Variants in SLC25A48 observed in about 807,000 individuals in gnomAD.
SLC25A48 encodes the protein CTC-321K16.1.
In SLC25A48, 29 loss-of-function variants were observed where a neutral mutation model predicts 32.2. That is an observed-to-expected ratio of 0.90 (90% CI 0.67 to 1.23). The LOEUF is 1.23. Among genes scored for constraint, SLC25A48 ranks in the 50% most tolerant of loss-of-function variants. The pLI is 0.00. For synonymous variants in SLC25A48, 164 were observed against 172.3 expected, an observed-to-expected ratio of 0.95 and a Z score of 0.38; for missense variants, 399 against 422.7, an observed-to-expected ratio of 0.94 and a Z score of 0.49.
chr5:135,737,976 C>T (rs189584465), intron 3 of SLC25A48, among the ~76,000 whole-genome samples: 3 of 152,270 alleles, frequency 2.0e-5, no homozygotes, highest in East Asian at 3.9e-4. Flanking sequence ...ATTGGAAAAC[C>T]TGACTTGTTC....
chr5:135,725,312 C>T (rs1271984714), intron 3 of SLC25A48, among the ~76,000 whole-genome samples: 1 of 152,122 alleles, frequency 6.6e-6, no homozygotes, highest in Non-Finnish European at 1.5e-5. Flanking sequence ...GTGAAGGAGA[C>T]AGTCTAGGAG....
At chr5:135,759,593 C>T (rs1455155405) in intron 3 of SLC25A48, among the ~76,000 whole-genome samples, 1 of 152,134 alleles carries the variant, frequency 6.6e-6, no homozygotes, top group Non-Finnish European at 1.5e-5. Context: ...TAGAGCATTT[C>T]CATCACCACA....
At chr5:135,648,754 A>AT (rs935516578) in intron 3 of SLC25A48, 4 of 152,236 alleles carry the variant, frequency 2.6e-5, no homozygotes, top group African/African-American at 4.8e-5. Context: ...ATTAAGATGC[A>AT]TTTTTTTGTA....
At chr5:135,807,296 T>G (rs1757485423) in intron 3 of SLC25A48, among the ~76,000 whole-genome samples, 2 of 150,252 alleles carry the variant, frequency 1.3e-5, no homozygotes, top group African/African-American at 2.4e-5. Flanking sequence ...GTAATTATCA[T>G]GTATATTTTC....
chr5:135,836,390 G>T (rs11738241), intron 1 of SLC25A48, among the ~76,000 whole-genome samples: 75,245 of 151,120 alleles, frequency 0.5, 20,896 homozygotes, highest in East Asian at 0.69. Context: ...TGAAATGATG[G>T]TAAGTGTTTA....
At chr5:135,876,901 T>C (rs1762105447) in intron 6 of SLC25A48, among the ~76,000 whole-genome samples, 1 of 152,170 alleles carries the variant, frequency 6.6e-6, no homozygotes, top group African/African-American at 2.4e-5. Flanking sequence ...GGGCTCTGGC[T>C]GAATGGAGCA....
intron 3 of SLC25A48, among the ~76,000 whole-genome samples, chr5:135,804,719 G>A (rs1191912079): frequency 6.6e-6 from 1 of 151,306 alleles, no homozygotes; most frequent in Non-Finnish European, 1.5e-5. Flanking sequence ...TCATATCATA[G>A]AAATATATTA....
intron 1 of SLC25A48, among the ~76,000 whole-genome samples, chr5:135,613,452 T>G (rs1315245321): frequency 6.6e-6 from 1 of 152,194 alleles, no homozygotes; most frequent in African/African-American, 2.4e-5. Context: ...TGTCTATTTT[T>G]GTTTTTGTTG....
intron 1 of SLC25A48, among the ~76,000 whole-genome samples, chr5:135,603,460 G>A (rs1331076032): frequency 6.6e-6 from 1 of 152,238 alleles, no homozygotes; most frequent in East Asian, 1.9e-4. Context: ...CTCTCATTCA[G>A]CCTGAGGGCT....
Position 135,888,102 on chromosome 5 carries a change from A to G in SLC25A48, c.*78A>G. ...GCATGTGAAGCCCTGAGAGCTGCAGATGTTTGGCCTTTGGACCTCCAAGTG... is the reference window on the plus strand; with the variant it reads ...GCATGTGAAGCCCTGAGAGCTGCAGGTGTTTGGCCTTTGGACCTCCAAGTG... On this transcript the variant is annotated 3_prime_UTR_variant, in exon 8 of 8. Coordinates refer to ENST00000681962, the MANE Select transcript of SLC25A48 (RefSeq NM_001349336.2). The G allele has an allele frequency of 6.4e-7, 1 of 1,550,794 alleles. No homozygotes were observed.
intron 3 of SLC25A48, among the ~76,000 whole-genome samples, chr5:135,784,883 GGAT>G (rs1756797355): frequency 8.4e-6 from 1 of 118,718 alleles, no homozygotes; most frequent in African/African-American, 2.6e-5. Flanking sequence ...GTTAGAAAGA[GGAT>G]GATATTACAA....
At chr5:135,723,415 A>ACACACACACACACACACAC (rs1755018421) in intron 3 of SLC25A48, among the ~76,000 whole-genome samples, 1 of 62,092 alleles carries the variant, frequency 1.6e-5, no homozygotes, top group African/African-American at 3.9e-5. Flanking sequence ...CACACACACA[A>ACACACACACACACACACAC]TGGGGAGGGG....
intron 3 of SLC25A48, among the ~76,000 whole-genome samples, chr5:135,736,872 G>C (rs1031102244): frequency 1.3e-5 from 2 of 152,190 alleles, no homozygotes; most frequent in Non-Finnish European, 2.9e-5. Context: ...ATGGCACCAA[G>C]ACTGAAAGGA....
At chr5:135,662,084 C>T (rs940685147) in intron 3 of SLC25A48, among the ~76,000 whole-genome samples, 2 of 152,218 alleles carry the variant, frequency 1.3e-5, no homozygotes, top group African/African-American at 4.8e-5. Flanking sequence ...CACACACCCA[C>T]CCCTGCTGTG....
rs763713066 is a variant in SLC25A48 at position 135,852,755 on chromosome 5, G to C, written c.355G>C (p.Gly119Arg). 6.2e-7 allele frequency: 1 copy of C among 1,614,030 alleles called. No homozygotes were observed. The highest frequency in any genetic ancestry group is 8.5e-7 in the Non-Finnish European group (1 of 1,179,956). Residue 119 changes from glycine to arginine, a missense_variant, in exon 4 of 8, where the codon GGG becomes CGG. By Grantham distance (125) the Gly-to-Arg change is moderately radical. Transcript: ENST00000681962. Reference protein sequence around the residue: ...ASMVAGVVSVGLGGPVDLIKI... With the variant: ...ASMVAGVVSVRLGGPVDLIKI... The stretch of plus-strand genomic sequence containing the variant: ...CATGGTGGCCGGCGTGGTCTCTGTC[G>C]GGCTGGGAGGGCCCGTGGACCTCAT...
rs114740735 is a variant in SLC25A48 at position 135,768,990 on chromosome 5, A to G, written c.-520-43533A>G. 7.2e-3 allele frequency among the ~76,000 whole-genome samples: 1,088 copies of G among 151,678 alleles called. 11 individuals carry two copies. Among genetic ancestry groups the G allele is most frequent in the African/African-American group, 0.024 (1,005 of 41,356 alleles). On this transcript the variant is annotated intron_variant, in intron 3 of 10. Transcript: ENST00000646290. ...GGGGGAGAGGATGATGCTAATTCCA[A>G]TATTTCAGGGGGTGTACACACCTCT...
At chr5:135,643,593 T>A (rs1752889499) in intron 3 of SLC25A48, among the ~76,000 whole-genome samples, 1 of 152,148 alleles carries the variant, frequency 6.6e-6, no homozygotes, top group Admixed American at 6.5e-5. Context: ...ACAGACACCA[T>A]CTCAGCCTTC....
At chr5:135,772,490 A>G (rs2126610654) in intron 3 of SLC25A48, among the ~76,000 whole-genome samples, 1 of 151,742 alleles carries the variant, frequency 6.6e-6, no homozygotes, top group South Asian at 2.1e-4. Context: ...ACGAAGAAAG[A>G]GAATAATACT....
chr5:135,579,220 C>T (rs1751176604), exon 1 of SLC25A48: 2 of 242,382 alleles, frequency 8.3e-6, no homozygotes, highest in Non-Finnish European at 1.6e-5. Context: ...GCTACCCTCT[C>T]GCTCACACAA....
Sources: allele counts gnomAD v4.1 joint callset (sites outside exome capture counted in the v4.1 genomes callset), GRCh38; gene constraint gnomAD v4.1.1; transcripts MANE v1.5; gene names NCBI Gene and HGNC (gene_info 2026-07-23, HGNC 2026-07-21).